The following CCSER1 variants were observed in gnomAD, a reference collection of about 807,000 sequenced individuals.
CCSER1 encodes the protein serine-rich coiled-coil domain-containing protein 1.
A neutral mutation model predicts 82.0 loss-of-function variants in CCSER1; 41 were observed. The observed-to-expected ratio is 0.50, with a 90% CI of 0.39 to 0.65. The LOEUF (loss-of-function observed/expected upper bound fraction) is 0.65, where lower values mean the gene tolerates loss of function less well. CCSER1 is among the 30% of genes least tolerant of loss of function. The pLI is 0.00. For synonymous variants in CCSER1, 414 were observed against 383.9 expected, an observed-to-expected ratio of 1.08 and a Z score of -0.92; for missense variants, 1,119 against 1,064.2, an observed-to-expected ratio of 1.05 and a Z score of -0.72.
intron 10 of CCSER1, among the ~76,000 whole-genome samples, chr4:91,139,364 G>A (rs755744258): frequency 2.0e-4 from 31 of 151,922 alleles, no homozygotes; most frequent in Non-Finnish European, 4.3e-4. Context: ...TTTGTGCTGA[G>A]CATTGTGCTA....
intron 9 of CCSER1, among the ~76,000 whole-genome samples, chr4:91,056,414 C>T (rs905416935): frequency 1.1e-4 from 16 of 152,134 alleles, no homozygotes; most frequent in African/African-American, 3.1e-4. Flanking sequence ...GCACCTTGAA[C>T]GCTGTGTCTT....
chr4:91,130,829 TACATAAG>T (rs1297700962), intron 10 of CCSER1, among the ~76,000 whole-genome samples: 1 of 151,816 alleles, frequency 6.6e-6, no homozygotes, highest in African/African-American at 2.4e-5. Context: ...TCAAGATCTG[TACATAAG>T]ACAAATTTTG....
At chr4:91,003,252 G>A (rs985245417) in intron 9 of CCSER1, among the ~76,000 whole-genome samples, 3 of 152,058 alleles carry the variant, frequency 2.0e-5, no homozygotes, top group East Asian at 3.9e-4. Flanking sequence ...AGTAGTATGG[G>A]GAGGAAGAAG....
At chr4:90,593,082 A>T (rs1782899834) in intron 5 of CCSER1, among the ~76,000 whole-genome samples, 1 of 152,204 alleles carries the variant, frequency 6.6e-6, no homozygotes, top group Admixed American at 6.6e-5. Context: ...AACTTAAAAA[A>T]TATAGACAGC....
chr4:91,418,172 A>G (rs1370081937), intron 10 of CCSER1, among the ~76,000 whole-genome samples: 1 of 151,958 alleles, frequency 6.6e-6, no homozygotes, highest in Non-Finnish European at 1.5e-5. Context: ...ACCTGAAGGA[A>G]ATAGAATAAA....
chr4:91,184,954 C>G (rs1734386293), intron 10 of CCSER1, among the ~76,000 whole-genome samples: 1 of 152,126 alleles, frequency 6.6e-6, no homozygotes. Context: ...CCAGGTTGTC[C>G]ATCGGGCCCT....
intron 4 of CCSER1, among the ~76,000 whole-genome samples, chr4:90,461,314 G>A (rs1024054975): frequency 6.0e-5 from 7 of 117,032 alleles, no homozygotes; most frequent in Admixed American, 3.0e-4. Flanking sequence ...TGATCCGCCC[G>A]CCTCGGCCTC....
chr4:91,548,230 A>G (rs894720606), intron 10 of CCSER1, among the ~76,000 whole-genome samples: 2 of 152,152 alleles, frequency 1.3e-5, no homozygotes, highest in Non-Finnish European at 2.9e-5. Flanking sequence ...TTCAAATAAC[A>G]CCATACAACT....
chr4:90,159,382 A>G (rs1728995158), intron 1 of CCSER1, among the ~76,000 whole-genome samples: 2 of 152,136 alleles, frequency 1.3e-5, no homozygotes. Context: ...TTGCAGTTGA[A>G]TCATGATTTT....
chr4:90,425,513 C>A (rs780418512), intron 4 of CCSER1, among the ~76,000 whole-genome samples: 1 of 152,094 alleles, frequency 6.6e-6, no homozygotes, highest in Non-Finnish European at 1.5e-5. Context: ...TCAATGAGCC[C>A]AAAGGCACAG....
intron 5 of CCSER1, among the ~76,000 whole-genome samples, chr4:90,608,894 A>G (rs1412603406): frequency 6.6e-6 from 1 of 152,118 alleles, no homozygotes; most frequent in Non-Finnish European, 1.5e-5. Context: ...TAAAGAAAAT[A>G]CCTTGCTTTT....
chr4:91,586,191 C>T (rs1256663372), intron 10 of CCSER1, among the ~76,000 whole-genome samples: 1 of 151,314 alleles, frequency 6.6e-6, no homozygotes, highest in African/African-American at 2.4e-5. Flanking sequence ...AAGATGAAAA[C>T]CAGACATGAT....
chr4:91,313,327 C>A (rs933881667), intron 10 of CCSER1, among the ~76,000 whole-genome samples: 4 of 151,780 alleles, frequency 2.6e-5, no homozygotes, highest in African/African-American at 9.7e-5. Flanking sequence ...TTTTGAAAGG[C>A]TTTTCACCCT....
At chr4:90,806,127 A>G (rs1445646622) in intron 7 of CCSER1, among the ~76,000 whole-genome samples, 1 of 152,218 alleles carries the variant, frequency 6.6e-6, no homozygotes, top group Non-Finnish European at 1.5e-5. Context: ...ATTTATGTGA[A>G]TGTTGCCACT....
chr4:90,721,794 G>A (rs1480698449), intron 6 of CCSER1, among the ~76,000 whole-genome samples: 1 of 150,846 alleles, frequency 6.6e-6, no homozygotes, highest in Non-Finnish European at 1.5e-5. Flanking sequence ...GAAAACAATA[G>A]GATAAACATG....
At position 91,015,724 on chromosome 4, in the gene CCSER1, AT is replaced by A. The variant is rs535081579; in HGVS notation, c.2173-70225del. Among the ~76,000 whole-genome samples, 431 of 152,104 alleles carry A rather than the reference AT, an allele frequency of 2.8e-3. 4 individuals carry two copies. The highest frequency in any genetic ancestry group is 9.9e-3 in the African/African-American group (410 of 41,576). ...AAATATTTCTTTTACTCAGAAAAAA[AT>A]ATTAATCCTTAATTTTTAGATCAAA... On this transcript the variant is annotated intron_variant, in intron 9 of 10. Transcript: ENST00000509176.
rs539427828 is a variant in CCSER1, at chr4:90,922,002, T to C, written c.2095-1368T>C. 5.3e-5 allele frequency among the ~76,000 whole-genome samples: 8 copies of C among 152,116 alleles called. No individual in the cohort carries two copies. The South Asian group carries it at 1.4e-3, about 28-fold the overall frequency. ...TAGTTTGGAAAATGCAGCCACATTTTTACTTATCTTTTTCAAATAATTAAA... is the reference window on the plus strand; with the variant it reads ...TAGTTTGGAAAATGCAGCCACATTTCTACTTATCTTTTTCAAATAATTAAA... On this transcript the variant is annotated intron_variant, in intron 8 of 10. Transcript: ENST00000509176.
At chr4:91,419,225 TAGCC>T (rs1753559119) in intron 10 of CCSER1, among the ~76,000 whole-genome samples, 1 of 152,000 alleles carries the variant, frequency 6.6e-6, no homozygotes. Context: ...CTAGAAGTCT[TAGCC>T]AGAACAATTA....
chr4:90,741,508 C>T (rs1746548426), intron 7 of CCSER1, among the ~76,000 whole-genome samples: 1 of 152,162 alleles, frequency 6.6e-6, no homozygotes, highest in African/African-American at 2.4e-5. Flanking sequence ...GTGATATATA[C>T]ATCAGATACT....
Sources: gnomAD v4.1 joint callset for allele counts (sites outside exome capture counted in the v4.1 genomes callset) on GRCh38, gnomAD v4.1.1 for gene constraint, MANE v1.5 for transcripts, NCBI Gene and HGNC (gene_info 2026-07-23, HGNC 2026-07-21) for gene names.